Variants in PCDHA3 observed in about 807,000 individuals in gnomAD.
The protein encoded by PCDHA3 is protocadherin alpha 3, also known as protocadherin alpha-3.
In PCDHA3, 41 loss-of-function variants were observed where a neutral mutation model predicts 62.2. The observed-to-expected ratio is 0.66, with a 90% CI of 0.51 to 0.86. PCDHA3 has a LOEUF of 0.86. Ranked by LOEUF, PCDHA3 falls within the 40% of genes least tolerant of loss-of-function variation. The pLI, the probability that PCDHA3 is intolerant of heterozygous loss-of-function variation, is 0.00. For synonymous variants in PCDHA3, 640 were observed against 555.4 expected, an observed-to-expected ratio of 1.15 and a Z score of -2.14; for missense variants, 1,304 against 1,241.2, an observed-to-expected ratio of 1.05 and a Z score of -0.76.
At chr5:140,995,903 G>A (rs1554254885) in intron 3 of PCDHA3, among the ~76,000 whole-genome samples, 2 of 152,206 alleles carry the variant, frequency 1.3e-5, no homozygotes, top group East Asian at 1.9e-4. Flanking sequence ...ATGTATAAAA[G>A]AGGAGAGACC....
At chr5:140,986,427 G>A (rs937088313) in intron 3 of PCDHA3, among the ~76,000 whole-genome samples, 19 of 152,186 alleles carry the variant, frequency 1.2e-4, no homozygotes, top group African/African-American at 4.6e-4. Context: ...TTAACTTCAT[G>A]AGTACTAATG....
chr5:140,858,383 A>G lies in PCDHA3; in HGVS notation c.2394+54792A>G, dbSNP rs181849631. Reference sequence around the variant, plus strand: ...CAGCCCCAGCCTTCCACCATGCCCAATGGTAGATGTGGACGGGGAAGATCA... The same window carrying G: ...CAGCCCCAGCCTTCCACCATGCCCAGTGGTAGATGTGGACGGGGAAGATCA... On this transcript the variant is annotated intron_variant, in intron 1 of 3. Transcript: ENST00000522353. 1,813 of 1,584,980 alleles carry G rather than the reference A, an allele frequency of 1.1e-3. 172 individuals are homozygous for G. Among genetic ancestry groups the G allele is most frequent in the Non-Finnish European group, 1.3e-3 (1,523 of 1,159,242 alleles).
At chr5:140,896,823 T>C (rs1248229696) in intron 1 of PCDHA3, among the ~76,000 whole-genome samples, 1 of 152,230 alleles carries the variant, frequency 6.6e-6, no homozygotes, top group Non-Finnish European at 1.5e-5. Context: ...ACTCTGTTCA[T>C]AGTTGTTTTT....
At chr5:140,913,966 A>C (rs2076538227) in intron 1 of PCDHA3, among the ~76,000 whole-genome samples, 1 of 152,156 alleles carries the variant, frequency 6.6e-6, no homozygotes, top group Non-Finnish European at 1.5e-5. Context: ...TTTTTAAAAA[A>C]ATATTTTAGG....
chr5:140,985,401 C>T (rs2097150530), intron 3 of PCDHA3, among the ~76,000 whole-genome samples: 1 of 152,108 alleles, frequency 6.6e-6, no homozygotes, highest in Non-Finnish European at 1.5e-5. Flanking sequence ...CCAACTGTTC[C>T]CCTGGAAATG....
intron 1 of PCDHA3, chr5:140,809,681 T>A: frequency 7.6e-7 from 1 of 1,319,606 alleles, no homozygotes; most frequent in Non-Finnish European, 1.0e-6. Flanking sequence ...ATTTTACCTC[T>A]TTTTACATAT....
At chr5:140,829,915 G>A (rs2150177700) in intron 1 of PCDHA3, 2 of 1,613,890 alleles carry the variant, frequency 1.2e-6, no homozygotes, top group Non-Finnish European at 1.7e-6. Context: ...CGTGGCTTTC[G>A]TATGAGCTGC....
intron 3 of PCDHA3, among the ~76,000 whole-genome samples, chr5:140,986,890 G>A (rs965456573): frequency 6.6e-6 from 1 of 152,124 alleles, no homozygotes; most frequent in Non-Finnish European, 1.5e-5. Flanking sequence ...CAAATTCTTA[G>A]GCCCTATCCT....
chr5:140,963,117 AAG>A (rs1292385306), intron 1 of PCDHA3, among the ~76,000 whole-genome samples: 1 of 152,182 alleles, frequency 6.6e-6, no homozygotes, highest in African/African-American at 2.4e-5. Flanking sequence ...CTTATAATTA[AAG>A]AGATAATATT....
intron 3 of PCDHA3, among the ~76,000 whole-genome samples, chr5:140,983,182 C>T (rs782457174): frequency 6.6e-6 from 1 of 152,188 alleles, no homozygotes; most frequent in Non-Finnish European, 1.5e-5. Flanking sequence ...CTCACAATTT[C>T]TTAGTTTAGA....
rs1417036031 is a variant in PCDHA3, at chr5:140,855,830, G to A, written c.2394+52239G>A. On this transcript the variant is annotated intron_variant, in intron 1 of 3. Coordinates refer to ENST00000522353, the MANE Select transcript of PCDHA3 (RefSeq NM_018906.3). Reference sequence around the variant, plus strand: ...AGAAAAGTTGTGAACTCATGGAATCGTACTTACACCTAAAGCCACCGGATG... The same window carrying A: ...AGAAAAGTTGTGAACTCATGGAATCATACTTACACCTAAAGCCACCGGATG... The A allele has an allele frequency of 5.8e-5, 33 of 567,192 alleles. 2 individuals carry two copies. Among genetic ancestry groups the A allele is most frequent in the Non-Finnish European group, 9.5e-5 (31 of 325,120 alleles). The allele number at this position is 567,192 out of a possible 1,614,324, so 35.1% of individuals were successfully genotyped here.
At chr5:140,958,925 G>T (rs980567381) in intron 1 of PCDHA3, among the ~76,000 whole-genome samples, 1 of 144,748 alleles carries the variant, frequency 6.9e-6, no homozygotes, top group African/African-American at 2.6e-5. Flanking sequence ...GGGTGTGGTG[G>T]CTCATACTTG....
intron 1 of PCDHA3, chr5:140,870,006 G>A (rs1554163702): frequency 1.2e-6 from 2 of 1,613,604 alleles, no homozygotes; most frequent in Non-Finnish European, 1.7e-6. Flanking sequence ...ATGGAGAAGT[G>A]AGGGTCAATG....
At chr5:140,829,255 G>T (rs2150164788) in intron 1 of PCDHA3, 6 of 1,614,078 alleles carry the variant, frequency 3.7e-6, no homozygotes, top group Non-Finnish European at 4.2e-6. Flanking sequence ...TGAACTGCTC[G>T]CTGACGCCTC....
At chr5:140,889,273 T>C (rs1307102398) in intron 1 of PCDHA3, among the ~76,000 whole-genome samples, 3 of 152,054 alleles carry the variant, frequency 2.0e-5, no homozygotes, top group Admixed American at 6.5e-5. Flanking sequence ...GTATAATCTT[T>C]GAATTACTTC....
chr5:140,849,776 G>C, intron 1 of PCDHA3: 1 of 1,598,464 alleles, frequency 6.3e-7, no homozygotes, highest in Non-Finnish European at 8.6e-7. Context: ...TGGTTACCGC[G>C]CGGGACGGGG....
At position 140,855,909 on chromosome 5, in the gene PCDHA3, A is replaced by C. The variant is rs1554148009; in HGVS notation, c.2394+52318A>C. The stretch of plus-strand genomic sequence containing the variant: ...GAACAAAGGCATCAGCCAGTTTCTC[A>C]AGGACTAGGAAGTAGCGTCATTCTG... On this transcript the variant is annotated intron_variant, in intron 1 of 3. Coordinates refer to ENST00000522353, the MANE Select transcript of PCDHA3 (RefSeq NM_018906.3). The C allele has an allele frequency of 6.1e-6, 7 of 1,151,572 alleles. 1 individual carries two copies. The highest frequency in any genetic ancestry group is 4.6e-5 in the African/African-American group (3 of 65,014). 71.3% of individuals were successfully genotyped at this position (1,151,572 alleles called of 1,614,324 possible). A position where few individuals can be genotyped will look rare whatever the true frequency, so the allele number is the denominator to read the frequency against.
At chr5:140,830,287 C>A in intron 1 of PCDHA3, 1 of 1,613,846 alleles carries the variant, frequency 6.2e-7, no homozygotes. Context: ...AGGGCGCGTG[C>A]ACGGCGGACA....
chr5:140,977,864 GGTAAGTATAAT>G (rs1175044090), intron 1 of PCDHA3, among the ~76,000 whole-genome samples: 1 of 152,140 alleles, frequency 6.6e-6, no homozygotes, highest in Non-Finnish European at 1.5e-5. Context: ...TACCAAATAT[GGTAAGTATAAT>G]GTAGAGGAAA....
Sources: gnomAD v4.1 joint callset for allele counts (sites outside exome capture counted in the v4.1 genomes callset) on GRCh38, gnomAD v4.1.1 for gene constraint, MANE v1.5 for transcripts, NCBI Gene and HGNC (gene_info 2026-07-23, HGNC 2026-07-21) for gene names.